SGTB: variants seen among roughly 807,000 people sequenced by gnomAD.
SGTB encodes the protein small glutamine rich tetratricopeptide repeat co-chaperone beta, also known as small glutamine-rich tetratricopeptide repeat-containing protein beta.
SGTB carries 19 observed loss-of-function variants against 43.9 expected under a neutral mutation model. That is an observed-to-expected ratio of 0.43 (90% confidence interval 0.30 to 0.63). SGTB has a LOEUF of 0.63. SGTB is among the 30% of genes least tolerant of loss of function. The pLI, the probability that SGTB is intolerant of heterozygous loss-of-function variation, is 0.12. For missense variants in SGTB, 304 were observed against 358.9 expected, an observed-to-expected ratio of 0.85 and a Z score of 1.24; for synonymous variants, 116 against 117.3, an observed-to-expected ratio of 0.99 and a Z score of 0.07.
At chr5:65,677,493 C>A (rs1209718725) in intron 8 of SGTB, among the ~76,000 whole-genome samples, 2 of 152,060 alleles carry the variant, frequency 1.3e-5, no homozygotes, top group Non-Finnish European at 2.9e-5. Context: ...TTCTATGAGG[C>A]CAACATCATC....
At chr5:65,671,825 T>C in intron 10 of SGTB, 90 bp downstream of exon 10, 1 of 1,167,804 alleles carries the variant, frequency 8.6e-7, no homozygotes, top group East Asian at 2.6e-5. Flanking sequence ...AAGATAAACA[T>C]TTAAAAAGAA....
At position 65,695,118 on chromosome 5, in the gene SGTB, T is replaced by C. The variant is rs1261572988; in HGVS notation, c.374+9161A>G. Among the ~76,000 whole-genome samples, 4 of 151,952 alleles carry C rather than the reference T, an allele frequency of 2.6e-5. 1 individual carries two copies. The highest frequency in any genetic ancestry group is 4.2e-4 in the South Asian group (2 of 4,816). On this transcript the variant is annotated intron_variant, in intron 5 of 10. Coordinates refer to ENST00000381007, the MANE Select transcript of SGTB (RefSeq NM_019072.3). The stretch of plus-strand genomic sequence containing the variant: ...CAGGAGTGGGGAGTGCAAGTAGAAA[T>C]GGAAAGCCATTTTGATGTCCCTATT...
At chr5:65,713,353 C>G (rs1758079361) in intron 2 of SGTB, among the ~76,000 whole-genome samples, 1 of 151,940 alleles carries the variant, frequency 6.6e-6, no homozygotes, top group South Asian at 2.1e-4. Flanking sequence ...GACAAGGTTT[C>G]ACTTTGTGGC....
At chr5:65,686,607 C>A (rs1757504876) in intron 5 of SGTB, among the ~76,000 whole-genome samples, 1 of 152,050 alleles carries the variant, frequency 6.6e-6, no homozygotes, top group African/African-American at 2.4e-5. Context: ...TATCCTCCCG[C>A]CTCTGCCTCC....
At chr5:65,697,324 A>T (rs1561160309) in intron 5 of SGTB, among the ~76,000 whole-genome samples, 1 of 152,238 alleles carries the variant, frequency 6.6e-6, no homozygotes, top group Non-Finnish European at 1.5e-5. Flanking sequence ...ATAAAAAGCA[A>T]GCATAGGTAT....
chr5:65,708,641 C>G, intron 3 of SGTB, 83 bp from the exon 4 acceptor site: 1 of 1,061,010 alleles, frequency 9.4e-7, no homozygotes, highest in African/African-American at 1.7e-5. Flanking sequence ...TAATAAATTA[C>G]CCACATTTTA....
At chr5:65,701,719 G>A (rs892052530) in intron 5 of SGTB, among the ~76,000 whole-genome samples, 1 of 146,742 alleles carries the variant, frequency 6.8e-6, no homozygotes, top group Admixed American at 7.1e-5. Context: ...TACAAGCTCC[G>A]CCTCCAGGGT....
intron 2 of SGTB, among the ~76,000 whole-genome samples, chr5:65,716,306 G>A (rs1445811313): frequency 1.3e-5 from 2 of 152,190 alleles, no homozygotes; most frequent in African/African-American, 4.8e-5. Context: ...TGTCACAGAA[G>A]TCAAATTATA....
rs115923242 is a variant in SGTB at position 65,716,078 on chromosome 5, C to T, written c.101-3014G>A. ...AGCCACCGCACCCGGCCCACAGCTG[C>T]AGGTTTAACAGAGAGTTCAGGGTAG... On this transcript the variant is annotated intron_variant, in intron 2 of 10. Transcript: ENST00000381007. Among the ~76,000 whole-genome samples the T allele has an allele frequency of 8.5e-3, 1,287 of 152,294 alleles. 11 individuals carry two copies. Among genetic ancestry groups the T allele is most frequent in the Non-Finnish European group, 0.015 (999 of 68,020 alleles).
At chr5:65,722,486 C>T, upstream of SGTB, 2 of 1,366,444 alleles carry the variant, frequency 1.5e-6, no homozygotes, top group African/African-American at 1.5e-5. Flanking sequence ...GCCTGGAGCC[C>T]GGACCCACCC....
At chr5:65,671,215 C>A (rs1334498083) in intron 10 of SGTB, among the ~76,000 whole-genome samples, 3 of 152,068 alleles carry the variant, frequency 2.0e-5, no homozygotes, top group Non-Finnish European at 4.4e-5. Flanking sequence ...CTTCCTGGAT[C>A]TTCATTGGGA....
At chr5:65,680,604 A>G (rs765614602) in intron 7 of SGTB, 48 bp from the exon 8 acceptor site, 2 of 1,613,580 alleles carry the variant, frequency 1.2e-6, no homozygotes, top group Non-Finnish European at 1.7e-6. Flanking sequence ...TACAATTACA[A>G]TAAATTGTGA....
intron 5 of SGTB, among the ~76,000 whole-genome samples, chr5:65,690,506 T>C (rs550781705): frequency 4.5e-4 from 69 of 152,262 alleles, no homozygotes; most frequent in Non-Finnish European, 7.8e-4. Context: ...GATTCTCAAC[T>C]TGGATACAAA....
intron 3 of SGTB, 87 bp downstream of exon 3, chr5:65,712,874 A>C: frequency 1.0e-6 from 1 of 959,210 alleles, no homozygotes; most frequent in Non-Finnish European, 1.6e-6. Flanking sequence ...TTAATTACTC[A>C]TATACCTGGC....
intron 4 of SGTB, among the ~76,000 whole-genome samples, chr5:65,706,211 A>C (rs1214682500): frequency 6.6e-6 from 1 of 152,232 alleles, no homozygotes; most frequent in Non-Finnish European, 1.5e-5. Context: ...CCAAAAAAGA[A>C]ATCAATAGAA....
intron 3 of SGTB, among the ~76,000 whole-genome samples, chr5:65,711,873 C>G (rs528284575): frequency 6.6e-6 from 1 of 152,092 alleles, no homozygotes; most frequent in African/African-American, 2.4e-5. Context: ...CAGCTTCACT[C>G]CAGAATTCTT....
At chr5:65,682,643 A>G (rs537907329) in intron 6 of SGTB, among the ~76,000 whole-genome samples, 1 of 152,336 alleles carries the variant, frequency 6.6e-6, no homozygotes, top group East Asian at 1.9e-4. Flanking sequence ...TGACCTGTGC[A>G]TGGGATAGAT....
chr5:65,705,953 T>G (rs1757926015), intron 4 of SGTB, among the ~76,000 whole-genome samples: 1 of 151,958 alleles, frequency 6.6e-6, no homozygotes, highest in Non-Finnish European at 1.5e-5. Flanking sequence ...GGAGGATTGC[T>G]TGAGCCCAAG....
chr5:65,711,239 A>G (rs1758040943), intron 3 of SGTB, among the ~76,000 whole-genome samples: 1 of 152,170 alleles, frequency 6.6e-6, no homozygotes, highest in African/African-American at 2.4e-5. Flanking sequence ...AATAAACTGT[A>G]TTTTAACGAT....
Sources: allele counts gnomAD v4.1 joint callset (sites outside exome capture counted in the v4.1 genomes callset), GRCh38; gene constraint gnomAD v4.1.1; transcripts MANE v1.5; gene names NCBI Gene and HGNC (gene_info 2026-07-23, HGNC 2026-07-21).